The following NUBPL variants were observed in gnomAD, a reference collection of about 807,000 sequenced individuals.
NUBPL encodes iron-sulfur cluster transfer protein NUBPL.
In NUBPL, 31 loss-of-function variants were observed where a neutral mutation model predicts 45.7. The ratio of observed to expected loss-of-function variants is 0.68; its 90% CI spans 0.51 to 0.92. NUBPL has a LOEUF of 0.92. Ranked by LOEUF, NUBPL falls within the 40% of genes least tolerant of loss-of-function variation. The pLI is 0.00. For synonymous variants in NUBPL, 144 were observed against 140.9 expected (o/e 1.02, Z -0.15); for missense variants, 401 against 398.7 (o/e 1.01, Z -0.05).
At chr14:31,725,771 G>A (rs1334098269) in intron 6 of NUBPL, among the ~76,000 whole-genome samples, 2 of 147,704 alleles carry the variant, frequency 1.4e-5, no homozygotes, top group Non-Finnish European at 3.0e-5. Context: ...GTGGAGTGGT[G>A]CAATCTTGGC....
chr14:31,621,316 G>A (rs1259463827), intron 4 of NUBPL, among the ~76,000 whole-genome samples: 1 of 152,044 alleles, frequency 6.6e-6, no homozygotes, highest in South Asian at 2.1e-4. Flanking sequence ...GGCGTTCCAG[G>A]TGCCACTGAG....
intron 4 of NUBPL, among the ~76,000 whole-genome samples, chr14:31,639,891 G>T (rs6571441): frequency 0.56 from 84,905 of 150,900 alleles, 24,198 homozygotes; most frequent in African/African-American, 0.68. Flanking sequence ...ATTATATCCA[G>T]GTGCGGGATA....
chr14:31,565,098 A>G (rs1378945284), intron 3 of NUBPL, 50 bp downstream of exon 3: 4 of 1,071,468 alleles, frequency 3.7e-6, no homozygotes, highest in Non-Finnish European at 5.7e-6. Context: ...TTTTTAAGGC[A>G]ATGATAAAGA....
intron 4 of NUBPL, among the ~76,000 whole-genome samples, chr14:31,615,949 C>G (rs2034887595): frequency 6.6e-6 from 1 of 152,174 alleles, no homozygotes; most frequent in Non-Finnish European, 1.5e-5. Flanking sequence ...CACATCCTCT[C>G]CAGCATCTCG....
At chr14:31,600,515 C>G (rs962593997) in intron 4 of NUBPL, among the ~76,000 whole-genome samples, 5 of 152,330 alleles carry the variant, frequency 3.3e-5, no homozygotes, top group Admixed American at 2.0e-4. Context: ...AAACTTTACA[C>G]AAGACTGTGG....
chr14:31,688,592 G>GAAAAAAA (rs544662104), intron 6 of NUBPL, among the ~76,000 whole-genome samples: 1 of 75,702 alleles, frequency 1.3e-5, no homozygotes, highest in African/African-American at 4.1e-5. Context: ...AGAAAAAAAA[G>GAAAAAAA]AAAAAAAAAA....
At chr14:31,823,002 AT>A (rs558231605) in intron 7 of NUBPL, among the ~76,000 whole-genome samples, 22 of 152,128 alleles carry the variant, frequency 1.4e-4, no homozygotes, top group African/African-American at 5.1e-4. Flanking sequence ...TAAAACTTTT[AT>A]TTTTTTAATG....
chr14:31,703,096 ATTCTTATATTC>A (rs1199257322), intron 6 of NUBPL: 7 of 152,184 alleles, frequency 4.6e-5, no homozygotes, highest in African/African-American at 1.7e-4. Flanking sequence ...TAATACTTAT[ATTCTTATATTC>A]TTTTTGCAGG....
At chr14:31,828,876 G>A (rs2040145718) in intron 8 of NUBPL, among the ~76,000 whole-genome samples, 1 of 152,188 alleles carries the variant, frequency 6.6e-6, no homozygotes, top group Non-Finnish European at 1.5e-5. Context: ...ATAACAGAGA[G>A]GAAAAGGGAT....
intron 4 of NUBPL, among the ~76,000 whole-genome samples, chr14:31,643,855 C>A (rs1365882829): frequency 2.0e-5 from 3 of 151,958 alleles, no homozygotes; most frequent in African/African-American, 7.2e-5. Context: ...TCTGTTTCTC[C>A]CTGGTTCAAT....
chr14:31,702,460 G>C (rs1037457042), intron 6 of NUBPL, among the ~76,000 whole-genome samples: 5 of 152,194 alleles, frequency 3.3e-5, no homozygotes, highest in Non-Finnish European at 7.3e-5. Flanking sequence ...AGACCTTAGA[G>C]ATTACATCCT....
intron 6 of NUBPL, among the ~76,000 whole-genome samples, chr14:31,735,531 G>A (rs1457036465): frequency 6.6e-6 from 1 of 152,104 alleles, no homozygotes; most frequent in African/African-American, 2.4e-5. Context: ...TTATTAATCA[G>A]GGTGAAATAC....
chr14:31,568,990 A>G (rs1353933992), intron 3 of NUBPL, among the ~76,000 whole-genome samples: 2 of 152,186 alleles, frequency 1.3e-5, no homozygotes, highest in Non-Finnish European at 2.9e-5. Flanking sequence ...TATATATGGT[A>G]TTAGTATAGT....
At chr14:31,694,129 A>G (rs1001850164) in intron 6 of NUBPL, among the ~76,000 whole-genome samples, 1 of 152,130 alleles carries the variant, frequency 6.6e-6, no homozygotes, top group Admixed American at 6.5e-5. Flanking sequence ...TGCTGGGATT[A>G]CAGGCGTGAG....
At chr14:31,654,302 G>T (rs1301524417) in intron 4 of NUBPL, among the ~76,000 whole-genome samples, 4 of 152,030 alleles carry the variant, frequency 2.6e-5, no homozygotes, top group Non-Finnish European at 5.9e-5. Context: ...TTCAGTGAAT[G>T]GTAATCTTTT....
chr14:31,719,839 A>G (rs1006538188), intron 6 of NUBPL, among the ~76,000 whole-genome samples: 1 of 152,202 alleles, frequency 6.6e-6, no homozygotes, highest in Non-Finnish European at 1.5e-5. Flanking sequence ...TGAGATCATG[A>G]TAATGCTATA....
At chr14:31,603,634 G>C (rs1044530784) in intron 4 of NUBPL, among the ~76,000 whole-genome samples, 1 of 152,142 alleles carries the variant, frequency 6.6e-6, no homozygotes, top group African/African-American at 2.4e-5. Context: ...ATAATGTTAA[G>C]TTTTGGATAA....
At chr14:31,656,611 C>G (rs1297500100) in intron 4 of NUBPL, among the ~76,000 whole-genome samples, 1 of 152,014 alleles carries the variant, frequency 6.6e-6, no homozygotes, top group Non-Finnish European at 1.5e-5. Flanking sequence ...ATGGGCTGGT[C>G]AGTCGAGCAG....
intron 4 of NUBPL, among the ~76,000 whole-genome samples, chr14:31,638,034 C>A (rs932322869): frequency 4.6e-5 from 7 of 152,146 alleles, no homozygotes; most frequent in African/African-American, 1.7e-4. Flanking sequence ...GGTCTTGACT[C>A]TTTATCCAAT....
Sources: allele counts gnomAD v4.1 joint callset (sites outside exome capture counted in the v4.1 genomes callset), GRCh38; gene constraint gnomAD v4.1.1; transcripts MANE v1.5; gene names NCBI Gene and HGNC (gene_info 2026-07-23, HGNC 2026-07-21).